FAM135B: variants seen among roughly 807,000 people sequenced by gnomAD.
The protein encoded by FAM135B is protein FAM135B.
FAM135B carries 43 observed loss-of-function variants against 127.7 expected under a neutral mutation model. The ratio of observed to expected loss-of-function variants is 0.34; its 90% CI spans 0.26 to 0.43. The LOEUF is 0.43. Ranked by LOEUF, FAM135B falls within the 20% of genes least tolerant of loss-of-function variation. The pLI, the probability that FAM135B is intolerant of heterozygous loss-of-function variation, is 1.00. For missense variants in FAM135B, 1,558 were observed against 1,725.6 expected, an observed-to-expected ratio of 0.90 and a Z score of 1.72; for synonymous variants, 670 against 665.1, an observed-to-expected ratio of 1.01 and a Z score of -0.11.
At chr8:138,352,709 G>A (rs1383698922) in intron 2 of FAM135B, among the ~76,000 whole-genome samples, 2 of 152,190 alleles carry the variant, frequency 1.3e-5, no homozygotes, top group Non-Finnish European at 2.9e-5. Context: ...CCCACTAGGA[G>A]GGTATTGAGA....
At chr8:138,292,337 T>C (rs1825174019) in intron 3 of FAM135B, among the ~76,000 whole-genome samples, 1 of 152,134 alleles carries the variant, frequency 6.6e-6, no homozygotes, top group Non-Finnish European at 1.5e-5. Flanking sequence ...AAAATGTCCA[T>C]GCCATTTAAA....
intron 9 of FAM135B, among the ~76,000 whole-genome samples, chr8:138,191,067 A>T (rs1280967677): frequency 1.3e-5 from 2 of 152,150 alleles, no homozygotes; most frequent in Non-Finnish European, 2.9e-5. Context: ...CTCAGAATAA[A>T]TCTCCTCTAA....
At chr8:138,465,958 TAG>T (rs773253045) in intron 1 of FAM135B, among the ~76,000 whole-genome samples, 43 of 152,162 alleles carry the variant, frequency 2.8e-4, no homozygotes, top group Non-Finnish European at 3.8e-4. Context: ...TTTTTTTTAG[TAG>T]AGACAGGGTT....
chr8:138,165,973 C>T (rs1020558381), intron 12 of FAM135B, among the ~76,000 whole-genome samples: 1 of 152,164 alleles, frequency 6.6e-6, no homozygotes, highest in Non-Finnish European at 1.5e-5. Flanking sequence ...GTAGCAGAAT[C>T]TTTGAAATTT....
intron 1 of FAM135B, among the ~76,000 whole-genome samples, chr8:138,452,754 T>A (rs565219671): frequency 9.9e-5 from 15 of 152,224 alleles, no homozygotes; most frequent in African/African-American, 3.6e-4. Flanking sequence ...GCTACTGTCA[T>A]CTCAAGGCTC....
At chr8:138,371,785 C>A (rs1298538077) in intron 1 of FAM135B, among the ~76,000 whole-genome samples, 2 of 152,228 alleles carry the variant, frequency 1.3e-5, no homozygotes, top group Non-Finnish European at 1.5e-5. Context: ...CCACAGACAT[C>A]TTCTCTGCAC....
intron 2 of FAM135B, among the ~76,000 whole-genome samples, chr8:138,312,349 C>T (rs1443812615): frequency 6.6e-6 from 1 of 152,144 alleles, no homozygotes; most frequent in Admixed American, 6.5e-5. Flanking sequence ...AACAAAAGCT[C>T]TAACTGTATA....
intron 1 of FAM135B, among the ~76,000 whole-genome samples, chr8:138,436,331 C>A (rs1052491977): frequency 6.6e-6 from 1 of 152,110 alleles, no homozygotes; most frequent in Admixed American, 6.5e-5. Context: ...CTGGAAAATA[C>A]CCCTGAGCAT....
intron 18 of FAM135B, among the ~76,000 whole-genome samples, chr8:138,137,982 A>C (rs554578378): frequency 9.0e-4 from 137 of 152,244 alleles, no homozygotes; most frequent in South Asian, 4.8e-3. Flanking sequence ...GCCCTACTGA[A>C]GTGTGGGTCC....
chr8:138,379,701 G>A (rs1012448007), intron 1 of FAM135B, among the ~76,000 whole-genome samples: 12 of 152,148 alleles, frequency 7.9e-5, no homozygotes, highest in African/African-American at 2.9e-4. Context: ...GGACCTGAGG[G>A]AGACAGAAGT....
chr8:138,301,839 T>C lies in FAM135B; in HGVS notation c.157+9002A>G, dbSNP rs142895643. Among the ~76,000 whole-genome samples the C allele has an allele frequency of 4.3e-3, 661 of 152,340 alleles. 3 individuals are homozygous for C. Among genetic ancestry groups the C allele is most frequent in the Non-Finnish European group, 7.4e-3 (501 of 68,032 alleles). ...TTTCATTGTGCATGGCCTCATACCA[T>C]GCTGAACCCCTGCTTGAAACCTTTG... is the stretch of plus-strand genomic sequence containing the variant. On this transcript the variant is annotated intron_variant, in intron 3 of 19. Transcript: ENST00000395297.
Position 138,178,836 on chromosome 8 carries a change from CAT to C in FAM135B, c.874-148_874-147del, listed in dbSNP as rs1449223714. 6.2e-6 allele frequency: 4 copies of C among 644,046 alleles called. No homozygotes were observed. The East Asian group carries it at 1.1e-4, about 18-fold the overall frequency. The allele number at this position is 644,046 out of a possible 1,614,324, so 39.9% of individuals were successfully genotyped here. A position where few individuals can be genotyped will look rare whatever the true frequency, so the allele number is the denominator to read the frequency against. The stretch of plus-strand genomic sequence containing the variant: ...ATCTGTAGTATTATATATTACAACT[CAT>C]AGTACTATAGGATCATGTTATCACG... On this transcript the variant is annotated intron_variant, in intron 9 of 19. Coordinates refer to ENST00000395297, the MANE Select transcript of FAM135B (RefSeq NM_015912.4).
intron 2 of FAM135B, among the ~76,000 whole-genome samples, chr8:138,329,449 G>A (rs1296787342): frequency 6.6e-6 from 1 of 152,188 alleles, no homozygotes; most frequent in African/African-American, 2.4e-5. Flanking sequence ...CATTATGTGT[G>A]TAGGAATTTC....
rs1563992567 is a variant in FAM135B at position 138,426,026 on chromosome 8, TATAC to T, written c.-19-58028_-19-58025del. On this transcript the variant is annotated intron_variant, in intron 1 of 19. Transcript: ENST00000395297. ...ATATATATATATACACACACATACA[TATAC>T]ACACACACACACACACACACATATA... 7.9e-3 allele frequency among the ~76,000 whole-genome samples: 325 copies of T among 41,200 alleles called. 16 individuals carry two copies. Among genetic ancestry groups the T allele is most frequent in the African/African-American group, 0.037 (294 of 7,934 alleles). The allele number at this position is 41,200 out of a possible 152,430, so 27.0% of individuals were successfully genotyped here.
At chr8:138,164,445 T>C (rs1318814113) in intron 12 of FAM135B, among the ~76,000 whole-genome samples, 1 of 151,990 alleles carries the variant, frequency 6.6e-6, no homozygotes, top group Non-Finnish European at 1.5e-5. Flanking sequence ...AAATATGACA[T>C]TGTGAAAGGA....
chr8:138,458,795 G>A (rs770500813), intron 1 of FAM135B, among the ~76,000 whole-genome samples: 3 of 152,122 alleles, frequency 2.0e-5, no homozygotes, highest in African/African-American at 4.8e-5. Context: ...TACGCTGACC[G>A]CTGATTTAGG....
Position 138,410,271 on chromosome 8 carries a change from T to G in FAM135B, c.-19-42269A>C, listed in dbSNP as rs577884640. Among the ~76,000 whole-genome samples, 12 of 152,284 alleles carry G rather than the reference T, an allele frequency of 7.9e-5. No individual in the cohort carries two copies. In the South Asian group the frequency reaches 2.5e-3, roughly 32 times the overall value. On this transcript the variant is annotated intron_variant, in intron 1 of 19. Coordinates refer to ENST00000395297, the MANE Select transcript of FAM135B (RefSeq NM_015912.4). ...CCCTGAGACTTCCCTGATTCCCAAA[T>G]GCAATGCAGTTTGTGTAGCAGGCTG...
At chr8:138,497,672 G>T (rs904153633), upstream of FAM135B, among the ~76,000 whole-genome samples, 5 of 152,158 alleles carry the variant, frequency 3.3e-5, no homozygotes, top group African/African-American at 1.2e-4. Flanking sequence ...CAGCCGGCCC[G>T]TCATCCGATG....
intron 3 of FAM135B, among the ~76,000 whole-genome samples, chr8:138,294,503 G>T (rs1444746744): frequency 6.6e-6 from 1 of 151,956 alleles, no homozygotes; most frequent in Non-Finnish European, 1.5e-5. Context: ...CCAAAAAGCT[G>T]TCCACATCAT....
Sources: allele counts gnomAD v4.1 joint callset (sites outside exome capture counted in the v4.1 genomes callset), GRCh38; gene constraint gnomAD v4.1.1; transcripts MANE v1.5; gene names NCBI Gene and HGNC (gene_info 2026-07-23, HGNC 2026-07-21).